FLT4: variants seen among roughly 807,000 people sequenced by gnomAD.
FLT4 encodes the protein fms related receptor tyrosine kinase 4.
Under a neutral mutation model 163.2 loss-of-function variants are expected in FLT4, and 30 were observed. That is an observed-to-expected ratio of 0.18 (90% confidence interval 0.14 to 0.25). FLT4 has a LOEUF of 0.25. FLT4 is among the 10% of genes least tolerant of loss of function. The pLI is 1.00. For missense variants in FLT4, 1,510 were observed against 1,863.8 expected (o/e 0.81, Z 3.50); for synonymous variants, 884 against 789.5 (o/e 1.12, Z -2.01).
chr5:180,641,760 G>A (rs904417633), intron 1 of FLT4, among the ~76,000 whole-genome samples: 2 of 152,212 alleles, frequency 1.3e-5, no homozygotes, highest in African/African-American at 4.8e-5. Flanking sequence ...AGAGAGCTGA[G>A]CCCGCATGCC....
At chr5:180,627,910 CT>C (rs1763763722) in intron 8 of FLT4, among the ~76,000 whole-genome samples, 1 of 152,196 alleles carries the variant, frequency 6.6e-6, no homozygotes, top group African/African-American at 2.4e-5. Flanking sequence ...ACACCGAAGT[CT>C]GTGTCCTCAG....
chr5:180,649,124 A>T (rs1469163953), intron 1 of FLT4, among the ~76,000 whole-genome samples: 1 of 150,848 alleles, frequency 6.6e-6, no homozygotes, highest in Non-Finnish European at 1.5e-5. Flanking sequence ...CGGCGCGGGG[A>T]CCCCGCGGGG....
intron 23 of FLT4, among the ~76,000 whole-genome samples, chr5:180,615,386 C>A (rs112450045): frequency 0.019 from 303 of 15,772 alleles, no homozygotes; most frequent in Middle Eastern, 0.17. Flanking sequence ...CACTTCCTTT[C>A]GGAGCACTGG....
intron 8 of FLT4, among the ~76,000 whole-genome samples, chr5:180,626,893 C>T (rs903493626): frequency 8.5e-5 from 13 of 152,256 alleles, no homozygotes; most frequent in Admixed American, 6.5e-5. Context: ...GCAGGGTTCC[C>T]TGCCTCCTTC....
At position 180,613,004 on chromosome 5, in the gene FLT4, G is replaced by A. The variant is rs1285498683; in HGVS notation, c.3431+7C>T. The A allele has an allele frequency of 1.7e-5, 27 of 1,605,272 alleles. No individual in the cohort carries two copies. The highest frequency in any genetic ancestry group is 2.1e-5 in the Non-Finnish European group (25 of 1,172,976). The stretch of plus-strand genomic sequence containing the variant: ...CCCAAAACCTGCAGGGCCATGGGGA[G>A]GCTCACATGGCGGGAGTGGCCAGCT... On this transcript the variant is annotated splice_region_variant and intron_variant, in intron 25 of 29. Coordinates refer to ENST00000261937, the MANE Select transcript of FLT4 (RefSeq NM_182925.5).
At chr5:180,607,933 C>A in intron 29 of FLT4, 2 of 603,856 alleles carry the variant, frequency 3.3e-6, no homozygotes, top group Non-Finnish European at 5.9e-6. Flanking sequence ...TTTGGTCAAG[C>A]AGTAACGCCA....
At chr5:180,613,463 C>T in intron 24 of FLT4, 1 of 281,888 alleles carries the variant, frequency 3.5e-6, no homozygotes, top group Non-Finnish European at 6.7e-6. Context: ...TTGCTTCTCG[C>T]TGCTTCTCCT....
intron 19 of FLT4, 43 bp downstream of exon 19, chr5:180,619,210 G>A (rs377749866): frequency 1.5e-5 from 22 of 1,466,388 alleles, no homozygotes; most frequent in Non-Finnish European, 1.7e-5. Context: ...GCGGCGCCCC[G>A]CGCCCGGGGT....
intron 13 of FLT4, 96 bp from the exon 14 acceptor site, chr5:180,621,348 G>C (rs535385618): frequency 2.7e-6 from 4 of 1,477,958 alleles, no homozygotes; most frequent in Admixed American, 2.1e-5. Context: ...ATCCCTGGAA[G>C]CTGGACTTAG....
At chr5:180,607,831 G>C in intron 29 of FLT4, 1 of 489,138 alleles carries the variant, frequency 2.0e-6, no homozygotes, top group South Asian at 3.0e-5. Context: ...GGTGGGCACA[G>C]GGTCAGGTGC....
rs1763362134 is a variant in FLT4, at chr5:180,623,773, G to A, written c.1548+162C>T. Among the ~76,000 whole-genome samples the A allele has an allele frequency of 6.6e-6, 1 of 152,210 alleles. No individual in the cohort carries two copies. Among genetic ancestry groups the A allele is most frequent in the Non-Finnish European group, 1.5e-5 (1 of 68,032 alleles). ...CGGAGACTGGCCCTCTGACCTTTCTGCAGGCAGGGTGGCCGAGGCCTACAG... is the reference window on the plus strand; with the variant it reads ...CGGAGACTGGCCCTCTGACCTTTCTACAGGCAGGGTGGCCGAGGCCTACAG... On this transcript the variant is annotated intron_variant, in intron 11 of 29. Coordinates refer to ENST00000261937, the MANE Select transcript of FLT4 (RefSeq NM_182925.5). This position sits in a 1 kb window ranked among gnomAD's most constrained non-coding sequence, Gnocchi z 5.8.
intron 27 of FLT4, 32 bp downstream of exon 27, chr5:180,611,299 C>T (rs763642560): frequency 6.2e-7 from 1 of 1,612,840 alleles, no homozygotes; most frequent in East Asian, 2.2e-5. Flanking sequence ...GGCTTTCTCC[C>T]ACCCTACTCC....
At chr5:180,618,339 A>AGTAAATACTGTTG (rs1762829044) in intron 21 of FLT4, among the ~76,000 whole-genome samples, 1 of 71,044 alleles carries the variant, frequency 1.4e-5, no homozygotes. Flanking sequence ...CTCCCAGAGC[A>AGTAAATACTGTTG]CCCTCTCCTG....
Position 180,620,277 on chromosome 5 carries a change from A to C in FLT4, c.2438T>G (p.Leu813Arg), listed in dbSNP as rs1763024526. Residue 813 changes from leucine to arginine, a missense_variant, in exon 17 of 30, where the codon CTG becomes CGG. Physicochemically the swap from Leu to Arg is moderately radical, Grantham distance 102 (BLOSUM62 -2). Coordinates refer to ENST00000261937, the MANE Select transcript of FLT4 (RefSeq NM_182925.5). This position sits in a 1 kb window ranked among gnomAD's most constrained non-coding sequence, Gnocchi z 4.4. The part of the protein sequence containing the change: ...PAHADIKTGY[L>R]SIIMDPGEVP... Reference sequence around the variant, plus strand: ...CTCCCCGGGGTCCATGATGATGGACAGGTAGCCCGTCTTGATGTCTGCGTG... The same window carrying C: ...CTCCCCGGGGTCCATGATGATGGACCGGTAGCCCGTCTTGATGTCTGCGTG... 1.2e-6 allele frequency: 2 copies of C among 1,612,036 alleles called. No homozygotes were observed. Among genetic ancestry groups the C allele is most frequent in the Non-Finnish European group, 1.7e-6 (2 of 1,179,974 alleles).
In FLT4 at chr5:180,623,379, C is replaced by T. The variant is rs1344559577; in HGVS notation, c.1549-540G>A. On this transcript the variant is annotated intron_variant, in intron 11 of 29. Coordinates refer to ENST00000261937, the MANE Select transcript of FLT4 (RefSeq NM_182925.5). The surrounding 1 kb of genome is among the most constrained non-coding windows in gnomAD (Gnocchi z 5.8). ...GACTGAGGCCTCAGGGAGTAGGAAG[C>T]CTGAGACACAGGGGAGGAGAGAGGG... 1.3e-5 allele frequency among the ~76,000 whole-genome samples: 2 copies of T among 152,092 alleles called. No homozygotes were observed. Among genetic ancestry groups the T allele is most frequent in the African/African-American group, 4.8e-5 (2 of 41,416 alleles).
At chr5:180,617,096 C>T (rs887477366) in intron 21 of FLT4, 102 bp from the exon 22 acceptor site, 3 of 835,014 alleles carry the variant, frequency 3.6e-6, no homozygotes, top group South Asian at 2.8e-5. Flanking sequence ...CCTCTCCTGC[C>T]CCTCAGACTC....
chr5:180,631,720 G>C lies in FLT4; in HGVS notation c.117C>G (p.His39Gln). ...PPTLNITEESHVIDTGDSLSI... is the reference protein window; with the variant it reads ...PPTLNITEESQVIDTGDSLSI... Reference sequence around the variant, plus strand: ...ACAGGCTGTCACCGGTGTCGATGACGTGTGACTCCTCCGTGATGTTCAAGG... The same window carrying C: ...ACAGGCTGTCACCGGTGTCGATGACCTGTGACTCCTCCGTGATGTTCAAGG... The change falls in exon 2 of 30, where the codon CAC (histidine) becomes CAG (glutamine). Residue 39 changes from histidine to glutamine, a missense_variant. Physicochemically the swap from His to Gln is conservative, Grantham distance 24 (BLOSUM62 0). Around this residue, in one of 5 missense-constraint regions of FLT4, gnomAD observed 157 missense variants for 178.7 expected, o/e 0.88. Transcript: ENST00000261937. 6.2e-7 allele frequency: 1 copy of C among 1,610,768 alleles called. No individual in the cohort carries two copies. Among genetic ancestry groups the C allele is most frequent in the Non-Finnish European group, 8.5e-7 (1 of 1,179,884 alleles).
In FLT4 at chr5:180,621,762, A is replaced by T. The variant is rs779510103; in HGVS notation, c.1800T>A (p.Asp600Glu). 1 of 1,613,256 alleles carries T rather than the reference A, an allele frequency of 6.2e-7. No homozygotes were observed. The highest frequency in any genetic ancestry group is 1.1e-5 in the South Asian group (1 of 91,092). The change falls in exon 13 of 30, where the codon GAT becomes GAA. Residue 600 changes from aspartate (D) to glutamate (E), a missense_variant. Asp to Glu is a conservative substitution (Grantham distance 45). This residue lies in a region of FLT4 where 878 missense variants were observed against 1,016.7 expected (regional missense o/e 0.86). Coordinates refer to ENST00000261937, the MANE Select transcript of FLT4 (RefSeq NM_182925.5). ...WYRLNLSTLH[D>E]AHGNPLLLDC... ...CGAGCAGAAGCGGGTTCCCGTGCGCATCGTGCAGCGTGGACAGGTTGAGGC... is the reference window on the plus strand; with the variant it reads ...CGAGCAGAAGCGGGTTCCCGTGCGCTTCGTGCAGCGTGGACAGGTTGAGGC...
chr5:180,601,600 T>C lies in FLT4; in HGVS notation c.*1592A>G, dbSNP rs1408172854. 2 of 233,066 alleles carry C rather than the reference T, an allele frequency of 8.6e-6. No homozygotes were observed. The highest frequency in any genetic ancestry group is 1.7e-5 in the Non-Finnish European group (2 of 118,060). 14.4% of individuals were successfully genotyped at this position (233,066 alleles called of 1,614,324 possible). ...CAGAACATGGTCTAGAAGGGCATAG[T>C]AGTTTTTTTCCCGGTACATGCGTGG... On this transcript the variant is annotated 3_prime_UTR_variant, in exon 30 of 30. Transcript: ENST00000261937.
Sources: gnomAD v4.1 joint callset for allele counts (sites outside exome capture counted in the v4.1 genomes callset) on GRCh38, gnomAD v4.1.1 for gene constraint, gnomAD v4.1.1 regional missense constraint, Gnocchi (gnomAD v3.1) non-coding constraint, MANE v1.5 for transcripts, NCBI Gene and HGNC (gene_info 2026-07-23, HGNC 2026-07-21) for gene names.